The following TRRAP variants were observed in gnomAD, a reference collection of about 807,000 sequenced individuals.
TRRAP encodes the protein transformation/transcription domain associated protein, also known as transformation/transcription domain-associated protein.
In TRRAP, 41 loss-of-function variants were observed where a neutral mutation model predicts 438.8. The ratio of observed to expected loss-of-function variants is 0.09; its 90% CI spans 0.07 to 0.12. The LOEUF (loss-of-function observed/expected upper bound fraction) is 0.12. Among genes scored for constraint, TRRAP ranks in the 10% least tolerant of loss-of-function variants. The pLI is 1.00. For synonymous variants in TRRAP, 1,994 were observed against 1,962.9 expected (o/e 1.02, Z -0.42); for missense variants, 3,122 against 5,055.1 (o/e 0.62, Z 11.60).
intron 64 of TRRAP, among the ~76,000 whole-genome samples, chr7:98,991,853 G>T (rs2116802351): frequency 6.6e-6 from 1 of 152,290 alleles, no homozygotes; most frequent in East Asian, 1.9e-4. Context: ...CAGATTTACT[G>T]CCTGGAAGGA....
chr7:98,999,652 A>T, intron 67 of TRRAP: 3 of 927,502 alleles, frequency 3.2e-6, no homozygotes, highest in Non-Finnish European at 3.5e-6. Flanking sequence ...TTTGCCACTA[A>T]GTGTGAATGA....
rs1792781252 is a variant in TRRAP, at chr7:98,978,757, G to A, written c.8499-12G>A. The A allele has an allele frequency of 6.2e-7, 1 of 1,614,132 alleles. No individual in the cohort carries two copies. The highest frequency in any genetic ancestry group is 8.5e-7 in the Non-Finnish European group (1 of 1,180,040). ...TGATTGAGCTTTTGCTCTGGGATCT[G>A]TGGTCTTCTAGATGCTCCAAGGAAT... On this transcript the variant is annotated splice_polypyrimidine_tract_variant and intron_variant, in intron 57 of 72. Coordinates refer to ENST00000456197, the MANE Select transcript of TRRAP (RefSeq NM_001375524.1).
chr7:98,921,721 G>A, intron 20 of TRRAP, 32 bp from the exon 21 acceptor site: 1 of 1,612,884 alleles, frequency 6.2e-7, no homozygotes, highest in South Asian at 1.1e-5. Flanking sequence ...ATTACCTTAA[G>A]AGGACCTTAA....
chr7:98,886,799 A>G (rs1795736697), intron 3 of TRRAP, among the ~76,000 whole-genome samples: 1 of 152,224 alleles, frequency 6.6e-6, no homozygotes, highest in African/African-American at 2.4e-5. Context: ...ATAAACCCTC[A>G]GGTTAGGAAT....
chr7:98,914,302 A>G (rs1562938974), intron 18 of TRRAP, among the ~76,000 whole-genome samples: 1 of 152,100 alleles, frequency 6.6e-6, no homozygotes, highest in Non-Finnish European at 1.5e-5. Context: ...CAGGAAGCCG[A>G]AGAGAGAGGA....
intron 49 of TRRAP, among the ~76,000 whole-genome samples, chr7:98,966,518 C>G (rs1792166401): frequency 6.6e-6 from 1 of 152,058 alleles, no homozygotes; most frequent in Non-Finnish European, 1.5e-5. Context: ...AACCCCGTCT[C>G]TACTAAAAAT....
In TRRAP at chr7:98,992,032, C is replaced by G; in HGVS notation, c.9757-105C>G. 3.1e-6 allele frequency: 4 copies of G among 1,305,608 alleles called. No homozygotes were observed. In the Admixed American group the frequency reaches 6.8e-5, roughly 22 times the overall value. The allele number at this position is 1,305,608 out of a possible 1,614,324, so 80.9% of individuals were successfully genotyped here. The stretch of plus-strand genomic sequence containing the variant: ...TTGCTTCCTTGGTCCAAAGGCAGAT[C>G]AGACACCTGTTTCTGACTTGACATT... On this transcript the variant is annotated intron_variant, in intron 64 of 72. Coordinates refer to ENST00000456197, the MANE Select transcript of TRRAP (RefSeq NM_001375524.1).
intron 41 of TRRAP, 138 bp downstream of exon 41, chr7:98,955,442 T>C: frequency 2.3e-6 from 2 of 854,348 alleles, no homozygotes; most frequent in Non-Finnish European, 3.5e-6. Flanking sequence ...GATTAGTTTG[T>C]GTATGTGTGT....
In TRRAP at chr7:98,879,644, C is replaced by T. The variant is rs1006097824; in HGVS notation, c.-62+1007C>T. On this transcript the variant is annotated intron_variant, in intron 1 of 72. Coordinates refer to ENST00000456197, the MANE Select transcript of TRRAP (RefSeq NM_001375524.1). ...GGAAGGGGGTGTCACCTGAAACAGG[C>T]AGTTGCCAGGTCCCCTAGCAGGGCT... is the stretch of plus-strand genomic sequence containing the variant. Among the ~76,000 whole-genome samples, 4 of 152,216 alleles carry T rather than the reference C, an allele frequency of 2.6e-5. No individual in the cohort carries two copies. The South Asian group carries it at 8.3e-4, about 32-fold the overall frequency.
intron 6 of TRRAP, among the ~76,000 whole-genome samples, chr7:98,895,001 T>C (rs1049200609): frequency 1.3e-5 from 2 of 152,144 alleles, no homozygotes; most frequent in Non-Finnish European, 2.9e-5. Context: ...TAATACTGTA[T>C]ATAACATCTT....
chr7:98,986,904 A>G (rs1446443711), intron 62 of TRRAP, among the ~76,000 whole-genome samples: 1 of 152,176 alleles, frequency 6.6e-6, no homozygotes, highest in African/African-American at 2.4e-5. Context: ...TATATTTATT[A>G]TGCTGCATGT....
intron 51 of TRRAP, among the ~76,000 whole-genome samples, chr7:98,968,928 A>T (rs1414343824): frequency 6.6e-6 from 1 of 152,234 alleles, no homozygotes; most frequent in Non-Finnish European, 1.5e-5. Flanking sequence ...GGTGCTAAAA[A>T]GACAAAGACA....
At chr7:98,899,068 A>G (rs1796355448) in intron 8 of TRRAP, among the ~76,000 whole-genome samples, 1 of 152,168 alleles carries the variant, frequency 6.6e-6, no homozygotes, top group Admixed American at 6.5e-5. Context: ...TCATGCCTGT[A>G]ATCCCAGCTA....
chr7:98,935,623 G>A lies in TRRAP; in HGVS notation c.4059G>A (p.Leu1353=). 2 of 1,606,036 alleles carry A rather than the reference G, an allele frequency of 1.2e-6. No individual in the cohort carries two copies. The highest frequency in any genetic ancestry group is 1.1e-5 in the South Asian group (1 of 90,772). ...CTGAAGATTCAGCTTTAACAAAGCT[G>A]CCCTGTTATAAAAGCCTTCCGTCAC... is the stretch of plus-strand genomic sequence containing the variant. The part of the protein sequence containing the change: ...CEAEDSALTK[L]PCYKSLPSLV... The change falls in exon 28 of 73, where the codon CTG becomes CTA. Residue 1353 remains leucine, a synonymous_variant. Coordinates refer to ENST00000456197, the MANE Select transcript of TRRAP (RefSeq NM_001375524.1).
At chr7:98,933,117 C>G in intron 26 of TRRAP, 124 bp from the exon 27 acceptor site, 1 of 1,318,682 alleles carries the variant, frequency 7.6e-7, no homozygotes, top group Non-Finnish European at 1.0e-6. Context: ...AATGTATCTC[C>G]CGTTCCCTAA....
intron 12 of TRRAP, 109 bp downstream of exon 12, chr7:98,903,626 T>C: frequency 6.8e-7 from 1 of 1,469,396 alleles, no homozygotes; most frequent in Non-Finnish European, 9.2e-7. Flanking sequence ...GTATCCTTGC[T>C]TCCTTCATTG....
At chr7:98,959,895 C>T (rs904296644) in intron 45 of TRRAP, among the ~76,000 whole-genome samples, 3 of 142,614 alleles carry the variant, frequency 2.1e-5, no homozygotes, top group African/African-American at 5.5e-5. Flanking sequence ...GGTGCCACTG[C>T]ACTACAGCTT....
At chr7:98,995,087 A>G (rs1289039414) in intron 67 of TRRAP, among the ~76,000 whole-genome samples, 3 of 152,168 alleles carry the variant, frequency 2.0e-5, no homozygotes, top group African/African-American at 2.4e-5. Flanking sequence ...TAGAAAATGC[A>G]TGGTTTCAGG....
intron 39 of TRRAP, among the ~76,000 whole-genome samples, chr7:98,951,298 T>G (rs947495271): frequency 2.0e-5 from 3 of 152,184 alleles, no homozygotes; most frequent in Non-Finnish European, 4.4e-5. Context: ...TAGCAGTTAT[T>G]TTGTGAAAAC....
Sources: allele counts gnomAD v4.1 joint callset (sites outside exome capture counted in the v4.1 genomes callset), GRCh38; gene constraint gnomAD v4.1.1; transcripts MANE v1.5; gene names NCBI Gene and HGNC (gene_info 2026-07-23, HGNC 2026-07-21).